Variants in METTL9 observed in about 807,000 individuals in gnomAD.
METTL9 encodes the protein methyltransferase 9, His-X-His N1(pi)-histidine.
A neutral mutation model predicts 36.0 loss-of-function variants in METTL9; 10 were observed. That is an observed-to-expected ratio of 0.28 (90% CI 0.17 to 0.47). The LOEUF is 0.47. Among genes scored for constraint, METTL9 ranks in the 20% least tolerant of loss-of-function variants. The pLI is 0.99. For missense variants in METTL9, 246 were observed against 383.5 expected (o/e 0.64, Z 3.00); for synonymous variants, 175 against 149.7 (o/e 1.17, Z -1.23).
intron 4 of METTL9, among the ~76,000 whole-genome samples, chr16:21,630,375 G>A (rs373047688): frequency 6.6e-5 from 10 of 152,348 alleles, no homozygotes; most frequent in African/African-American, 2.4e-4. Flanking sequence ...CTCTGGCCTC[G>A]GCCAGCCCCA....
chr16:21,643,622 T>A, intron 4 of METTL9: 1 of 1,547,582 alleles, frequency 6.5e-7, no homozygotes. Context: ...AAGGAAAGTC[T>A]ATGAAACATT....
At chr16:21,599,469 G>A (rs1597733223), upstream of METTL9, 2 of 1,170,010 alleles carry the variant, frequency 1.7e-6, no homozygotes. This position sits in a 1 kb window ranked among gnomAD's most constrained non-coding sequence, Gnocchi z 4.4. Context: ...GGGGGAGAAA[G>A]CGACGCGGCC....
At chr16:21,652,603 G>A in intron 4 of METTL9, 3 of 1,607,172 alleles carry the variant, frequency 1.9e-6, no homozygotes, top group Non-Finnish European at 2.5e-6. Context: ...CCCCATTTCT[G>A]TGTATGCCGG....
intron 4 of METTL9, among the ~76,000 whole-genome samples, chr16:21,635,419 G>T (rs1296198554): frequency 6.6e-6 from 1 of 152,064 alleles, no homozygotes; most frequent in African/African-American, 2.4e-5. Flanking sequence ...GCTAGGATAT[G>T]GGGGGTAAGC....
In METTL9 at chr16:21,612,647, G is replaced by GT; in HGVS notation, c.169dup (p.Tyr57LeufsTer22). 1.5e-6 allele frequency: 2 copies of GT among 1,356,494 alleles called. No homozygotes were observed. The highest frequency in any genetic ancestry group is 1.9e-6 in the Non-Finnish European group (2 of 1,044,112). The allele number at this position is 1,356,494 out of a possible 1,614,324, so 84.0% of individuals were successfully genotyped here. A position where few individuals can be genotyped will look rare whatever the true frequency, so the allele number is the denominator to read the frequency against. On this transcript the variant is annotated frameshift_variant, in exon 2 of 5. Coordinates refer to ENST00000358154, the MANE Select transcript of METTL9 (RefSeq NM_016025.5). LOFTEE classifies it high-confidence loss of function. ...TCTTTTTTTTTTTTTTTTTTTAGTG[G>GT]TATGTGTGCAACAGAGAGAAATTAT...
intron 3 of METTL9, among the ~76,000 whole-genome samples, chr16:21,618,608 AAG>A (rs1965614191): frequency 6.6e-6 from 1 of 152,320 alleles, no homozygotes; most frequent in East Asian, 1.9e-4. Flanking sequence ...TATTTCGTAT[AAG>A]AGGAATTATA....
At chr16:21,628,182 A>G (rs1965857202) in intron 4 of METTL9, among the ~76,000 whole-genome samples, 1 of 152,206 alleles carries the variant, frequency 6.6e-6, no homozygotes, top group Admixed American at 6.5e-5. Context: ...ATGGTTGTCT[A>G]CATGTAAGCT....
rs200797380 is a variant in METTL9, at chr16:21,599,791, A to T, written c.58A>T (p.Arg20Trp). ...CCTGGCGTCCGTGTGGCTGGCGCGG[A>T]GGATGTGGACGCTGCGGAGCCCGCT... ...LSLASVWLARRMWTLRSPLTR... is the reference protein window; with the variant it reads ...LSLASVWLARWMWTLRSPLTR... The change falls in exon 1 of 5, where the codon AGG becomes TGG. Residue 20 changes from arginine (R) to tryptophan (W), a missense_variant. By Grantham distance (101) the Arg-to-Trp change is moderately radical (BLOSUM62 -3). Around this residue, in one of 2 missense-constraint regions of METTL9, gnomAD observed 100 missense variants for 81.4 expected, o/e 1.23. Transcript: ENST00000358154. The surrounding 1 kb of genome is among the most constrained non-coding windows in gnomAD (Gnocchi z 4.4). 2,591 of 1,548,034 alleles carry T rather than the reference A, an allele frequency of 1.7e-3. 7 individuals are homozygous for T. Among genetic ancestry groups the T allele is most frequent in the Non-Finnish European group, 2.0e-3 (2,259 of 1,154,240 alleles).
Position 21,655,476 on chromosome 16 carries a change from G to A in METTL9, c.*44G>A. The A allele has an allele frequency of 2.0e-6, 3 of 1,537,192 alleles. No homozygotes were observed. The highest frequency in any genetic ancestry group is 1.8e-6 in the Non-Finnish European group (2 of 1,120,128). ...CTTCAGAGTCCGCACCCTCCGGGAT[G>A]TGCCCTTGGAAGAGGGTCTGTGTTC... On this transcript the variant is annotated 3_prime_UTR_variant, in exon 5 of 5. Transcript: ENST00000358154.
chr16:21,610,062 A>G (rs1965391196), intron 1 of METTL9, among the ~76,000 whole-genome samples: 1 of 152,154 alleles, frequency 6.6e-6, no homozygotes, highest in African/African-American at 2.4e-5. Context: ...ATAATCACAG[A>G]ATTATGCAGC....
At chr16:21,631,184 A>G (rs907689519) in intron 4 of METTL9, among the ~76,000 whole-genome samples, 2 of 152,202 alleles carry the variant, frequency 1.3e-5, no homozygotes, top group African/African-American at 4.8e-5. Flanking sequence ...CGGTTCCTGT[A>G]GCAGTAGCCA....
chr16:21,612,898 AAAAG>A (rs1409623320), intron 2 of METTL9, 63 bp downstream of exon 2: 22 of 1,393,662 alleles, frequency 1.6e-5, no homozygotes, highest in Non-Finnish European at 2.1e-5. Context: ...GAAAAACACA[AAAAG>A]AAAAGTTATC....
chr16:21,648,450 G>A (rs570707214), intron 4 of METTL9, among the ~76,000 whole-genome samples: 7 of 152,266 alleles, frequency 4.6e-5, no homozygotes, highest in South Asian at 4.1e-4. Context: ...TGCTGCAGCC[G>A]CCACTGCTAC....
At chr16:21,646,859 T>G (rs1016413209) in intron 4 of METTL9, 2 of 424,526 alleles carry the variant, frequency 4.7e-6, no homozygotes, top group Admixed American at 7.0e-5. Context: ...TTTCACCATG[T>G]TGGCCAGGCT....
At chr16:21,642,460 A>G (rs1201409191) in intron 4 of METTL9, 1 of 152,232 alleles carries the variant, frequency 6.6e-6, no homozygotes, top group African/African-American at 2.4e-5. Context: ...TATTTGAGCT[A>G]TCTCATCATG....
At position 21,643,717 on chromosome 16, in the gene METTL9, C is replaced by G. The variant is rs1181904172; in HGVS notation, c.752-11510C>G. 7 of 638,260 alleles carry G rather than the reference C, an allele frequency of 1.1e-5. No individual in the cohort carries two copies. In the East Asian group the frequency reaches 2.0e-4, roughly 18 times the overall value. The allele number at this position is 638,260 out of a possible 1,614,324, so 39.5% of individuals were successfully genotyped here. On this transcript the variant is annotated intron_variant, in intron 4 of 4. Coordinates refer to ENST00000358154, the MANE Select transcript of METTL9 (RefSeq NM_016025.5). The stretch of plus-strand genomic sequence containing the variant: ...AATATTTAAGTGATATACAATGAGA[C>G]TTAATTTTTACATCATTTTTGAGAT...
intron 4 of METTL9, among the ~76,000 whole-genome samples, chr16:21,626,008 G>T (rs937064895): frequency 6.6e-6 from 1 of 151,976 alleles, no homozygotes; most frequent in African/African-American, 2.4e-5. Flanking sequence ...GGCATTCTCC[G>T]GCCTCAGCCT....
chr16:21,622,363 G>T (rs527898532), intron 3 of METTL9, among the ~76,000 whole-genome samples: 3 of 151,592 alleles, frequency 2.0e-5, no homozygotes, highest in Non-Finnish European at 2.9e-5. Flanking sequence ...GCCCCAGCTG[G>T]TCTCAAACTC....
chr16:21,623,289 A>G (rs1359128341), intron 3 of METTL9, among the ~76,000 whole-genome samples: 1 of 152,198 alleles, frequency 6.6e-6, no homozygotes, highest in Admixed American at 6.5e-5. Flanking sequence ...ATATAGATTG[A>G]AAAGAAAATG....
Sources: allele counts gnomAD v4.1 joint callset (sites outside exome capture counted in the v4.1 genomes callset), GRCh38; gene constraint gnomAD v4.1.1; regional missense constraint gnomAD v4.1.1; non-coding constraint Gnocchi (gnomAD v3.1); transcripts MANE v1.5; gene names NCBI Gene and HGNC (gene_info 2026-07-23, HGNC 2026-07-21).